CFAP221: variants seen among roughly 807,000 people sequenced by gnomAD.
The protein encoded by CFAP221 is cilia and flagella associated protein 221, also known as cilia- and flagella-associated protein 221.
In CFAP221, 97 loss-of-function variants were observed where a neutral mutation model predicts 113.1. The ratio of observed to expected loss-of-function variants is 0.86; its 90% CI spans 0.73 to 1.02. CFAP221 has a LOEUF of 1.02. Among genes scored for constraint, CFAP221 ranks in the 50% least tolerant of loss-of-function variants. The pLI, the probability that CFAP221 is intolerant of heterozygous loss-of-function variation, is 0.00. For missense variants in CFAP221, 1,025 were observed against 1,013.4 expected, an observed-to-expected ratio of 1.01 and a Z score of -0.16; for synonymous variants, 331 against 354.4, an observed-to-expected ratio of 0.93 and a Z score of 0.74.
chr2:119,639,949 A>G (rs1687381977), intron 21 of CFAP221, 77 bp downstream of exon 21: 1 of 1,223,410 alleles, frequency 8.2e-7, no homozygotes, highest in South Asian at 1.3e-5. Flanking sequence ...CAAAAGTTAA[A>G]TGCCAATAAT....
intron 14 of CFAP221, 76 bp downstream of exon 14, chr2:119,615,785 T>TC: frequency 2.8e-6 from 3 of 1,088,992 alleles, no homozygotes; most frequent in South Asian, 1.5e-5. Context: ...GGTGGTTTGA[T>TC]AACACCTTTA....
intron 18 of CFAP221, 30 bp from the exon 19 acceptor site, chr2:119,630,737 A>T (rs1686714576): frequency 6.2e-7 from 1 of 1,608,080 alleles, no homozygotes; most frequent in East Asian, 2.2e-5. Flanking sequence ...CTGGCATCAA[A>T]ACTAACGTGC....
At chr2:119,615,881 A>G (rs559383314) in intron 14 of CFAP221, among the ~76,000 whole-genome samples, 172 bp downstream of exon 14, 1 of 152,182 alleles carries the variant, frequency 6.6e-6, no homozygotes, top group East Asian at 1.9e-4. Context: ...CTGGGCAGCC[A>G]TCACCCCTAT....
chr2:119,633,724 A>G (rs958587878), intron 19 of CFAP221, among the ~76,000 whole-genome samples: 5 of 7,120 alleles, frequency 7.0e-4, no homozygotes, highest in South Asian at 0.1. Context: ...CAGCTATATG[A>G]AAAAAATACC....
At chr2:119,626,210 G>T (rs770041822) in intron 15 of CFAP221, among the ~76,000 whole-genome samples, 1 of 152,086 alleles carries the variant, frequency 6.6e-6, no homozygotes, top group Non-Finnish European at 1.5e-5. Flanking sequence ...TGCAGACTCT[G>T]ATTATATAAG....
chr2:119,558,937 C>G (rs995000594), intron 3 of CFAP221, among the ~76,000 whole-genome samples: 15 of 152,206 alleles, frequency 9.9e-5, no homozygotes, highest in Admixed American at 1.3e-4. Flanking sequence ...AATGTCAGTC[C>G]TCAAGCAATG....
chr2:119,659,708 T>A (rs946429518), downstream of CFAP221, among the ~76,000 whole-genome samples: 6 of 152,232 alleles, frequency 3.9e-5, no homozygotes, highest in African/African-American at 1.4e-4. Flanking sequence ...TTCCGAAGCA[T>A]AACCCACTCG....
intron 6 of CFAP221, among the ~76,000 whole-genome samples, chr2:119,576,163 G>C (rs764430298): frequency 1.1e-4 from 17 of 152,100 alleles, no homozygotes; most frequent in Admixed American, 2.0e-4. Flanking sequence ...TTAAACTAAA[G>C]TTTTATTTGG....
At chr2:119,618,711 G>A (rs994643522) in intron 14 of CFAP221, among the ~76,000 whole-genome samples, 1 of 152,112 alleles carries the variant, frequency 6.6e-6, no homozygotes, top group Non-Finnish European at 1.5e-5. Flanking sequence ...ATACCCCAGT[G>A]GTGCCTAGAA....
downstream of CFAP221, among the ~76,000 whole-genome samples, chr2:119,657,685 C>A (rs1170822496): frequency 6.6e-6 from 1 of 152,172 alleles, no homozygotes; most frequent in Non-Finnish European, 1.5e-5. Flanking sequence ...TTCCAGGAGT[C>A]CACACTGCGA....
intron 14 of CFAP221, among the ~76,000 whole-genome samples, chr2:119,623,256 C>A (rs1237357848): frequency 6.6e-6 from 1 of 152,152 alleles, no homozygotes; most frequent in Non-Finnish European, 1.5e-5. Context: ...TGAGTGAACT[C>A]CCATTCACAA....
chr2:119,640,380 G>A (rs1687410882), intron 21 of CFAP221, among the ~76,000 whole-genome samples: 1 of 152,054 alleles, frequency 6.6e-6, no homozygotes, highest in African/African-American at 2.4e-5. Flanking sequence ...ATACACAATG[G>A]GTAGATCAGA....
At chr2:119,596,524 C>T (rs1261043732) in intron 7 of CFAP221, among the ~76,000 whole-genome samples, 1 of 152,246 alleles carries the variant, frequency 6.6e-6, no homozygotes, top group Non-Finnish European at 1.5e-5. Context: ...AGTACAGGCA[C>T]AGCCCTCAGG....
chr2:119,546,463 AAATT>A (rs1313159204), intron 2 of CFAP221, among the ~76,000 whole-genome samples, 193 bp downstream of exon 2: 2 of 152,192 alleles, frequency 1.3e-5, no homozygotes, highest in Non-Finnish European at 2.9e-5. Flanking sequence ...TGGGGTATGT[AAATT>A]AATCAAGTTC....
intron 6 of CFAP221, among the ~76,000 whole-genome samples, chr2:119,571,133 CTTTTTT>C (rs34017847): frequency 1.6e-4 from 15 of 93,132 alleles, no homozygotes; most frequent in Non-Finnish European, 2.4e-4. Flanking sequence ...TAACAACCCC[CTTTTTT>C]TTTTTTTTTT....
At chr2:119,544,803 G>C (rs1679933450) in intron 1 of CFAP221, among the ~76,000 whole-genome samples, 1 of 152,134 alleles carries the variant, frequency 6.6e-6, no homozygotes, top group South Asian at 2.1e-4. Flanking sequence ...GCGAGGGAAC[G>C]AGGGTGCGGC....
chr2:119,560,824 T>C (rs959718215), intron 5 of CFAP221, among the ~76,000 whole-genome samples: 3 of 152,190 alleles, frequency 2.0e-5, no homozygotes, highest in African/African-American at 7.2e-5. Flanking sequence ...CAAAGTTAAC[T>C]TTTATAAATT....
intron 19 of CFAP221, among the ~76,000 whole-genome samples, chr2:119,634,785 A>G (rs950894615): frequency 6.6e-6 from 1 of 152,230 alleles, no homozygotes; most frequent in Non-Finnish European, 1.5e-5. Context: ...TGACATAATC[A>G]AGAGTGAATG....
intron 11 of CFAP221, among the ~76,000 whole-genome samples, chr2:119,607,897 T>C (rs1459400279): frequency 6.6e-6 from 1 of 152,246 alleles, no homozygotes; most frequent in Non-Finnish European, 1.5e-5. Context: ...ATTTTGCTTG[T>C]TCATTCATCA....
Sources: allele counts gnomAD v4.1 joint callset (sites outside exome capture counted in the v4.1 genomes callset), GRCh38; gene constraint gnomAD v4.1.1; transcripts MANE v1.5; gene names NCBI Gene and HGNC (gene_info 2026-07-23, HGNC 2026-07-21).